SLC24A2: variants seen among roughly 807,000 people sequenced by gnomAD.
The protein encoded by SLC24A2 is solute carrier family 24 member 2, also known as sodium/potassium/calcium exchanger 2.
Under a neutral mutation model 62.0 loss-of-function variants are expected in SLC24A2, and 36 were observed. The ratio of observed to expected loss-of-function variants is 0.58; its 90% CI spans 0.44 to 0.77. The LOEUF (loss-of-function observed/expected upper bound fraction) is 0.77, where lower values mean the gene tolerates loss of function less well. SLC24A2 is among the 30% of genes least tolerant of loss of function. The probability of loss-of-function intolerance (pLI) is 0.00; values close to 1 mark genes in which losing one functional copy is unlikely to be tolerated. For missense variants in SLC24A2, 846 were observed against 817.9 expected (o/e 1.03, Z -0.42); for synonymous variants, 358 against 294.0 (o/e 1.22, Z -2.23).
At chr9:20,011,578 A>C in the SLC24A2 span, among the ~76,000 whole-genome samples, 117,042 of 152,038 alleles carry the variant, frequency 0.77, 45,145 homozygotes, top group African/African-American at 0.79. Context: ...CACCATCAAG[A>C]AAACTAACAT....
the SLC24A2 span, among the ~76,000 whole-genome samples, chr9:19,850,966 T>TACATAC: frequency 2.0e-4 from 4 of 19,996 alleles, no homozygotes; most frequent in African/African-American, 6.0e-4. Flanking sequence ...TATATATATA[T>TACATAC]GTATATATAT....
At chr9:19,878,946 A>G in the SLC24A2 span, among the ~76,000 whole-genome samples, 2 of 152,144 alleles carry the variant, frequency 1.3e-5, no homozygotes, top group Non-Finnish European at 2.9e-5. Flanking sequence ...TCTCTAGAGC[A>G]TGAAGACAAC....
chr9:20,016,446 C>T, the SLC24A2 span, among the ~76,000 whole-genome samples: 1 of 152,084 alleles, frequency 6.6e-6, no homozygotes, highest in African/African-American at 2.4e-5. Context: ...ATATTGACTC[C>T]TAAGTGATTT....
chr9:20,235,152 C>A, the SLC24A2 span, among the ~76,000 whole-genome samples: 1 of 152,198 alleles, frequency 6.6e-6, no homozygotes, highest in East Asian at 1.9e-4. Flanking sequence ...GGGTGCCTCC[C>A]AGTTAGGCTA....
chr9:20,017,314 C>A, the SLC24A2 span, among the ~76,000 whole-genome samples: 1 of 152,114 alleles, frequency 6.6e-6, no homozygotes, highest in East Asian at 1.9e-4. Context: ...TGAGCCACCA[C>A]GCCTGGCCCC....
intron 5 of SLC24A2, among the ~76,000 whole-genome samples, chr9:19,586,054 C>T (rs1000575957): frequency 2.6e-5 from 4 of 152,232 alleles, no homozygotes; most frequent in African/African-American, 7.2e-5. Context: ...ATTCTCCACA[C>T]TTCTTATCTG....
the SLC24A2 span, among the ~76,000 whole-genome samples, chr9:19,822,741 A>G: frequency 6.6e-6 from 1 of 152,176 alleles, no homozygotes; most frequent in East Asian, 1.9e-4. Context: ...GAATTTAAAA[A>G]TAAGACTATT....
the SLC24A2 span, among the ~76,000 whole-genome samples, chr9:20,053,109 G>C: frequency 1.4e-4 from 21 of 152,134 alleles, no homozygotes; most frequent in African/African-American, 5.1e-4. Context: ...CAGCCATCTT[G>C]TCTCTAATAT....
intron 2 of SLC24A2, among the ~76,000 whole-genome samples, chr9:19,755,185 A>T (rs1318978647): frequency 3.3e-5 from 5 of 152,166 alleles, no homozygotes; most frequent in African/African-American, 1.2e-4. Flanking sequence ...TTTTTACATG[A>T]TGGGGATACT....
the SLC24A2 span, among the ~76,000 whole-genome samples, chr9:20,145,297 G>A: frequency 6.6e-6 from 1 of 151,988 alleles, no homozygotes; most frequent in East Asian, 1.9e-4. Context: ...CTTATGGTCT[G>A]CAAAAGTAAG....
chr9:20,027,712 G>C, the SLC24A2 span, among the ~76,000 whole-genome samples: 1 of 152,038 alleles, frequency 6.6e-6, no homozygotes, highest in South Asian at 2.1e-4. Context: ...TTAGACAGGA[G>C]GGATAAATTT....
chr9:19,878,407 A>G, the SLC24A2 span, among the ~76,000 whole-genome samples: 1 of 152,184 alleles, frequency 6.6e-6, no homozygotes, highest in Admixed American at 6.6e-5. Flanking sequence ...TTACTCCATA[A>G]CATCTTTAGA....
At chr9:20,197,646 G>A in the SLC24A2 span, among the ~76,000 whole-genome samples, 1 of 151,948 alleles carries the variant, frequency 6.6e-6, no homozygotes, top group Non-Finnish European at 1.5e-5. Flanking sequence ...TGGCCAAGCT[G>A]GTCTTGAACT....
At chr9:20,013,207 A>G in the SLC24A2 span, among the ~76,000 whole-genome samples, 1 of 150,198 alleles carries the variant, frequency 6.7e-6, no homozygotes, top group Non-Finnish European at 1.5e-5. Flanking sequence ...AAGCAGGCAC[A>G]TCTACCAATG....
At chr9:20,282,185 C>T in the SLC24A2 span, among the ~76,000 whole-genome samples, 2 of 152,208 alleles carry the variant, frequency 1.3e-5, no homozygotes, top group East Asian at 1.9e-4. Context: ...TGCAATTAGC[C>T]AATTAGAGTG....
At chr9:20,008,874 A>G in the SLC24A2 span, among the ~76,000 whole-genome samples, 2 of 152,126 alleles carry the variant, frequency 1.3e-5, no homozygotes, top group African/African-American at 2.4e-5. Flanking sequence ...GACGGGAAGA[A>G]TAGGAGTTCT....
At chr9:19,603,929 T>G (rs574498665) in intron 4 of SLC24A2, among the ~76,000 whole-genome samples, 35 of 152,330 alleles carry the variant, frequency 2.3e-4, no homozygotes, top group African/African-American at 8.4e-4. Flanking sequence ...TAAGTCACTT[T>G]CCTCCTGTGT....
chr9:19,783,559 G>A (rs531532426), intron 2 of SLC24A2, among the ~76,000 whole-genome samples: 15 of 152,104 alleles, frequency 9.9e-5, no homozygotes, highest in Non-Finnish European at 1.9e-4. Context: ...CCCATTTCAG[G>A]ATGAATCAAA....
chr9:19,955,872 T>G, the SLC24A2 span, among the ~76,000 whole-genome samples: 1 of 152,242 alleles, frequency 6.6e-6, no homozygotes, highest in Non-Finnish European at 1.5e-5. Context: ...TCCTTTTATC[T>G]GTACCAAACC....
Sources: allele counts gnomAD v4.1 joint callset (sites outside exome capture counted in the v4.1 genomes callset), GRCh38; gene constraint gnomAD v4.1.1; transcripts MANE v1.5; gene names NCBI Gene and HGNC (gene_info 2026-07-23, HGNC 2026-07-21).